P2RX5: variants seen among roughly 807,000 people sequenced by gnomAD.
P2RX5 encodes purinergic receptor P2X 5, also known as P2X purinoceptor 5.
P2RX5 carries 46 observed loss-of-function variants against 54.1 expected under a neutral mutation model. The observed-to-expected ratio is 0.85, with a 90% CI of 0.67 to 1.09. The LOEUF is 1.09. Ranked by LOEUF, P2RX5 falls within the 50% of genes least tolerant of loss-of-function variation. P2RX5 has a pLI of 0.00. For missense variants in P2RX5, 566 were observed against 549.8 expected (o/e 1.03, Z -0.29); for synonymous variants, 226 against 226.4 (o/e 1.00, Z 0.02).
intron 11 of P2RX5, chr17:3,676,414 G>A (rs1040206483): frequency 5.3e-5 from 52 of 983,460 alleles, no homozygotes; most frequent in African/African-American, 3.7e-4. Flanking sequence ...CTGGGGAACC[G>A]GGAGGACGGA....
Position 3,679,627 on chromosome 17 carries a change from TC to T in P2RX5, c.1221del (p.Asn408ThrfsTer69). On this transcript the variant is annotated frameshift_variant, in exon 11 of 12. Coordinates refer to ENST00000225328, the MANE Select transcript of P2RX5 (RefSeq NM_002561.4). LOFTEE classifies it low-confidence loss of function (END_TRUNC). The stretch of plus-strand genomic sequence containing the variant: ...AGGAGCTGTGGGCACACAGATCCGT[TC>T]CCCTTCTGACTGCTGCTTCCACGCT... ...EAKRGSSSQK[G>X]NGSVCPQLLE... 1 of 1,609,198 alleles carries T rather than the reference TC, an allele frequency of 6.2e-7. No homozygotes were observed. Among genetic ancestry groups the T allele is most frequent in the South Asian group, 1.1e-5 (1 of 91,088 alleles).
At chr17:3,688,463 G>A (rs370979580) in intron 8 of P2RX5, among the ~76,000 whole-genome samples, 163 bp downstream of exon 8, 78 of 152,272 alleles carry the variant, frequency 5.1e-4, no homozygotes, top group Admixed American at 1.2e-3. Context: ...AGCTTCAGTC[G>A]CTGGCCACTC....
the P2RX5 span, among the ~76,000 whole-genome samples, chr17:3,702,699 C>A: frequency 2.2e-4 from 34 of 152,156 alleles, no homozygotes; most frequent in Admixed American, 7.9e-4. Context: ...CCAGACACAC[C>A]ATCTTTAAGA....
At chr17:3,699,853 A>AAAAGAAAG (rs752465811), upstream of P2RX5, among the ~76,000 whole-genome samples, 350 of 80,498 alleles carry the variant, frequency 4.3e-3, 9 homozygotes, top group South Asian at 0.016. Flanking sequence ...AGAAAAAGAA[A>AAAAGAAAG]AAAGAAAGAA....
At chr17:3,679,811 G>A (rs2050188741) in intron 10 of P2RX5, 27 bp from the exon 11 acceptor site, 1 of 1,599,842 alleles carries the variant, frequency 6.3e-7, no homozygotes. Context: ...CTGTTCACCT[G>A]GGACGGCCCT....
chr17:3,698,955 C>T (rs932591308), upstream of P2RX5, among the ~76,000 whole-genome samples: 14 of 151,720 alleles, frequency 9.2e-5, no homozygotes, highest in African/African-American at 1.9e-4. Context: ...CCTGTAATCC[C>T]AGCACTTTGG....
rs763232116 is a variant in P2RX5, at chr17:3,673,870, A to C, written c.1267T>G (p.Ter423GlyextTer11). The change falls in exon 12 of 12, where the codon TGA (stop) becomes GGA (glycine). Residue 423 changes from the stop codon to glycine, a stop_lost. Transcript: ENST00000225328. ...GCCTGAACGTAAGCAGAGGCAATTC[A>C]CGTGCTCCTGGAATATCAGAACAGA... ...PQLLEPHRST* is the reference protein window; with the variant it reads ...PQLLEPHRSTG The C allele has an allele frequency of 5.6e-6, 9 of 1,612,766 alleles. No individual in the cohort carries two copies. Among genetic ancestry groups the C allele is most frequent in the Non-Finnish European group, 5.1e-6 (6 of 1,179,712 alleles).
the P2RX5 span, chr17:3,718,042 T>A: frequency 1.3e-5 from 2 of 152,236 alleles, no homozygotes; most frequent in Non-Finnish European, 2.9e-5. Context: ...GCCCCAAAGA[T>A]GCCCAAGTAG....
At chr17:3,706,091 A>G in the P2RX5 span, among the ~76,000 whole-genome samples, 2 of 151,846 alleles carry the variant, frequency 1.3e-5, no homozygotes, top group African/African-American at 4.8e-5. Flanking sequence ...AGTAGCTGGG[A>G]CTACAGGCGC....
intron 11 of P2RX5, chr17:3,677,097 C>A: frequency 1.0e-6 from 1 of 985,286 alleles, no homozygotes. Context: ...GGCCCTACAG[C>A]GATGGAGGCA....
rs759351730 is a variant in P2RX5, at chr17:3,689,580, A to C, written c.665T>G (p.Phe222Cys). The change falls in exon 7 of 12, where the codon TTT becomes TGT. Residue 222 changes from phenylalanine (F) to cysteine (C), a missense_variant. Physicochemically the swap from Phe to Cys is radical, Grantham distance 205 (BLOSUM62 -2). Coordinates refer to ENST00000225328, the MANE Select transcript of P2RX5 (RefSeq NM_002561.4). ...GGGGCAGTAGTGGTTCTTGGGGCCA[A>C]AGTGGCATGATTTCAGGAAAGATCT... ...KDRSFLKSCH[F>C]GPKNHYCPIF... 6.2e-7 allele frequency: 1 copy of C among 1,614,196 alleles called. No individual in the cohort carries two copies. Among genetic ancestry groups the C allele is most frequent in the South Asian group, 1.1e-5 (1 of 91,088 alleles).
At chr17:3,722,195 AC>A in the P2RX5 span, among the ~76,000 whole-genome samples, 1 of 147,544 alleles carries the variant, frequency 6.8e-6, no homozygotes, top group Admixed American at 6.8e-5. Flanking sequence ...AGAAAAGAAC[AC>A]CTAGGTCGGG....
At position 3,691,816 on chromosome 17, in the gene P2RX5, G is replaced by A. The variant is rs186137135; in HGVS notation, c.138-22C>T. 5.0e-4 allele frequency: 813 copies of A among 1,613,840 alleles called. 3 individuals are homozygous for A. The highest frequency in any genetic ancestry group is 1.2e-3 in the Admixed American group (72 of 60,016). ...CCATCTGTGGGAAGGGGGCCGGTAC[G>A]TGGGCATCAGCCACTCTGCTGGCTT... On this transcript the variant is annotated intron_variant, in intron 1 of 11. Coordinates refer to ENST00000225328, the MANE Select transcript of P2RX5 (RefSeq NM_002561.4).
chr17:3,680,465 CAG>C (rs1212940814), intron 10 of P2RX5, among the ~76,000 whole-genome samples: 1 of 113,120 alleles, frequency 8.8e-6, no homozygotes, highest in Non-Finnish European at 1.8e-5. Flanking sequence ...GTCCTCCACC[CAG>C]TGTCCTCCAC....
At chr17:3,708,121 G>A in the P2RX5 span, among the ~76,000 whole-genome samples, 1 of 151,354 alleles carries the variant, frequency 6.6e-6, no homozygotes, top group East Asian at 1.9e-4. Flanking sequence ...GAGGGCAAGG[G>A]CAGGGCCTCT....
the P2RX5 span, among the ~76,000 whole-genome samples, chr17:3,712,922 G>A: frequency 6.6e-6 from 1 of 152,058 alleles, no homozygotes; most frequent in African/African-American, 2.4e-5. Context: ...CAGCGTGGGC[G>A]ACAGAGTGAG....
chr17:3,713,030 G>T, the P2RX5 span, among the ~76,000 whole-genome samples: 1 of 87,646 alleles, frequency 1.1e-5, no homozygotes, highest in Admixed American at 8.9e-5. Flanking sequence ...ACTCTAAACA[G>T]TCGGGGGAAA....
chr17:3,704,622 G>A, the P2RX5 span, among the ~76,000 whole-genome samples: 5 of 152,186 alleles, frequency 3.3e-5, no homozygotes, highest in South Asian at 4.1e-4. Flanking sequence ...AGTACCCAGC[G>A]CCCAATATTT....
At chr17:3,706,776 TA>T in the P2RX5 span, among the ~76,000 whole-genome samples, 1 of 152,190 alleles carries the variant, frequency 6.6e-6, no homozygotes, top group Admixed American at 6.5e-5. Flanking sequence ...CACGCCCGGC[TA>T]ATTTTTGTAT....
Sources: gnomAD v4.1 joint callset for allele counts (sites outside exome capture counted in the v4.1 genomes callset) on GRCh38, gnomAD v4.1.1 for gene constraint, MANE v1.5 for transcripts, NCBI Gene and HGNC (gene_info 2026-07-23, HGNC 2026-07-21) for gene names.